The following CTSD variants were observed in gnomAD, a reference collection of about 807,000 sequenced individuals.
CTSD encodes ceroid-lipofuscinosis, neuronal 10.
In CTSD, 28 loss-of-function variants were observed where a neutral mutation model predicts 43.6. That is an observed-to-expected ratio of 0.64 (90% CI 0.48 to 0.88). The LOEUF (loss-of-function observed/expected upper bound fraction) is 0.88, where lower values mean the gene tolerates loss of function less well. CTSD is among the 40% of genes least tolerant of loss of function. The pLI is 0.00. For missense variants in CTSD, 485 were observed against 555.2 expected (o/e 0.87, Z 1.27); for synonymous variants, 270 against 249.8 (o/e 1.08, Z -0.76).
At position 1,759,904 on chromosome 11, in the gene CTSD, G is replaced by A. The variant is rs1185910626; in HGVS notation, c.229-265C>T. On this transcript the variant is annotated intron_variant, in intron 2 of 8. Coordinates refer to ENST00000236671, the MANE Select transcript of CTSD (RefSeq NM_001909.5). ...GTCACCTACCCCTGCTCAATACATG[G>A]TGAGGCTGAGGACTTCCCCACGGAA... 2.0e-5 allele frequency among the ~76,000 whole-genome samples: 3 copies of A among 152,232 alleles called. No homozygotes were observed. The East Asian group carries it at 5.8e-4, about 29-fold the overall frequency.
Position 1,757,373 on chromosome 11 carries a change from T to A in CTSD, c.655A>T (p.Met219Leu). ...TTCTGGTCCACCAGCTTCTGCTGCATCAGGTTGTCGAAGACGGGCAGCACG... is the reference window on the plus strand; with the variant it reads ...TTCTGGTCCACCAGCTTCTGCTGCAACAGGTTGTCGAAGACGGGCAGCACG... Reference protein sequence around the residue: ...NNVLPVFDNLMQQKLVDQNIF... With the variant: ...NNVLPVFDNLLQQKLVDQNIF... Residue 219 changes from methionine to leucine, a missense_variant, in exon 5 of 9, where the codon ATG (methionine) becomes TTG (leucine). Transcript: ENST00000236671. The A allele has an allele frequency of 6.2e-7, 1 of 1,614,146 alleles. No homozygotes were observed. Among genetic ancestry groups the A allele is most frequent in the South Asian group, 1.1e-5 (1 of 91,090 alleles).
Position 1,759,036 on chromosome 11 carries a change from C to T in CTSD, c.404G>A (p.Gly135Asp). The T allele has an allele frequency of 6.2e-7, 1 of 1,614,156 alleles. No homozygotes were observed. Among genetic ancestry groups the T allele is most frequent in the Non-Finnish European group, 8.5e-7 (1 of 1,179,980 alleles). The change falls in exon 4 of 9, where the codon GGT (glycine) becomes GAT (aspartate). Residue 135 changes from glycine to aspartate, a missense_variant. Coordinates refer to ENST00000236671, the MANE Select transcript of CTSD (RefSeq NM_001909.5). ...SDKSSTYVKNGTSFDIHYGSG... is the reference protein window; with the variant it reads ...SDKSSTYVKNDTSFDIHYGSG... ...GCCATAGTGGATGTCAAACGAGGTA[C>T]CATTCTTCACGTAGGTGCTGGACTT...
intron 6 of CTSD, among the ~76,000 whole-genome samples, chr11:1,754,509 GGGATGGAGGGATGGAGGGGATGGA>G (rs1845777944): frequency 1.9e-5 from 2 of 107,524 alleles, no homozygotes; most frequent in East Asian, 2.9e-4. Context: ...TGGGGATGGA[GGGATGGAGGGATGGAGGGGATGGA>G]GGGATGGAGG....
In CTSD at chr11:1,757,397, C is replaced by T. The variant is rs779469223; in HGVS notation, c.631G>A (p.Val211Met). Residue 211 changes from valine to methionine, a missense_variant, in exon 5 of 9, where the codon GTG (valine) becomes ATG (methionine). By Grantham distance (21) the Val-to-Met change is conservative. Transcript: ENST00000236671. ...MAYPRISVNN[V>M]LPVFDNLMQQ... ...ATCAGGTTGTCGAAGACGGGCAGCA[C>T]GTTGTTGACGGAGATGCGGGGGTAG... 4 of 1,614,062 alleles carry T rather than the reference C, an allele frequency of 2.5e-6. No individual in the cohort carries two copies. The highest frequency in any genetic ancestry group is 1.7e-5 in the Admixed American group (1 of 60,010).
intron 3 of CTSD, 52 bp from the exon 4 acceptor site, chr11:1,759,139 G>A (rs554609347): frequency 1.5e-6 from 2 of 1,332,126 alleles, no homozygotes; most frequent in East Asian, 2.3e-5. Context: ...CCACGCCACG[G>A]CCTTAGCCCT....
intron 2 of CTSD, 53 bp downstream of exon 2, chr11:1,761,256 G>A: frequency 6.2e-7 from 1 of 1,600,018 alleles, no homozygotes; most frequent in African/African-American, 1.3e-5. Context: ...TACTGCCACG[G>A]AGCTCTCCTG....
intron 2 of CTSD, among the ~76,000 whole-genome samples, chr11:1,759,931 A>G (rs1845854761): frequency 6.6e-6 from 1 of 152,208 alleles, no homozygotes; most frequent in Non-Finnish European, 1.5e-5. Flanking sequence ...CCCACGGAAA[A>G]GACAAGGCCA....
intron 2 of CTSD, among the ~76,000 whole-genome samples, 170 bp from the exon 3 acceptor site, chr11:1,759,809 G>C (rs770946686): frequency 1.3e-5 from 2 of 152,252 alleles, no homozygotes; most frequent in Non-Finnish European, 2.9e-5. Context: ...CTGCAGGGAA[G>C]ATGGGCCAGG....
chr11:1,755,921 T>C (rs1439049180), intron 5 of CTSD, among the ~76,000 whole-genome samples: 1 of 151,618 alleles, frequency 6.6e-6, no homozygotes, highest in Non-Finnish European at 1.5e-5. Context: ...TCACCAAACA[T>C]GCTTTCAGAA....
intron 1 of CTSD, 83 bp from the exon 2 acceptor site, chr11:1,761,551 GC>G: frequency 6.7e-7 from 1 of 1,483,964 alleles, no homozygotes; most frequent in Non-Finnish European, 9.3e-7. Context: ...CCACCTGGAG[GC>G]CCCTGGGGAA....
chr11:1,757,266 C>T lies in CTSD; in HGVS notation c.704+58G>A, dbSNP rs56363318. ...GAGAGGGGGTGCCTAGAAGGCTCCC[C>T]GTCCAGCCCCGCCCTGCCTCCCAGC... On this transcript the variant is annotated intron_variant, in intron 5 of 8. Coordinates refer to ENST00000236671, the MANE Select transcript of CTSD (RefSeq NM_001909.5). 0.078 allele frequency: 111,292 copies of T among 1,433,614 alleles called. 4,720 individuals are homozygous for T. Among genetic ancestry groups the T allele is most frequent in the Middle Eastern group, 0.12 (716 of 5,764 alleles). 88.8% of individuals were successfully genotyped at this position (1,433,614 alleles called of 1,614,324 possible).
intron 4 of CTSD, 39 bp downstream of exon 4, chr11:1,758,930 G>T: frequency 7.1e-7 from 1 of 1,416,004 alleles, no homozygotes. Context: ...CCACACCCTG[G>T]CACCCTCGAG....
chr11:1,758,381 G>A (rs547961218), intron 4 of CTSD, among the ~76,000 whole-genome samples: 6 of 152,218 alleles, frequency 3.9e-5, no homozygotes, highest in Non-Finnish European at 5.9e-5. Flanking sequence ...CAGCTCCGAG[G>A]TGAGAACTCA....
At chr11:1,760,776 T>A (rs1845865808) in intron 2 of CTSD, 1 of 180,620 alleles carries the variant, frequency 5.5e-6, no homozygotes, top group Non-Finnish European at 1.2e-5. Flanking sequence ...GCCCCGAGGC[T>A]GGACAGTAGG....
rs1845910654 is a variant in CTSD, at chr11:1,763,646, C to CGCGCAGGGCG, written c.68+136_68+145dup. The CGCGCAGGGCG allele has an allele frequency of 5.1e-6, 4 of 784,998 alleles. No homozygotes were observed. In the East Asian group the frequency reaches 1.3e-4, roughly 26 times the overall value. The allele number at this position is 784,998 out of a possible 1,614,324, so 48.6% of individuals were successfully genotyped here. A position where few individuals can be genotyped will look rare whatever the true frequency, so the allele number is the denominator to read the frequency against. On this transcript the variant is annotated intron_variant, in intron 1 of 8. Coordinates refer to ENST00000236671, the MANE Select transcript of CTSD (RefSeq NM_001909.5). ...TAGGCGGGTGGTCCGTGCAGGAGGC[C>CGCGCAGGGCG]GCGCAGGGCGGCACAGGTGCATTCC...
intron 1 of CTSD, chr11:1,763,499 C>T: frequency 2.4e-6 from 1 of 418,484 alleles, no homozygotes; most frequent in Non-Finnish European, 4.3e-6. Context: ...CGCCCCGCCC[C>T]GTCTCCAGGG....
rs576357549 is a variant in CTSD at position 1,763,559 on chromosome 11, G to T, written c.68+233C>A. The stretch of plus-strand genomic sequence containing the variant: ...CAAGGTACAACCCAGGGTGGCATAT[G>T]GGGGAGAGGCATCTGGCGCCTCTGC... On this transcript the variant is annotated intron_variant, in intron 1 of 8. Transcript: ENST00000236671. 1.8e-5 allele frequency: 9 copies of T among 510,942 alleles called. No homozygotes were observed. The Admixed American group carries it at 2.5e-4, about 14-fold the overall frequency. 31.7% of individuals were successfully genotyped at this position (510,942 alleles called of 1,614,324 possible). A position where few individuals can be genotyped will look rare whatever the true frequency, so the allele number is the denominator to read the frequency against.
At chr11:1,755,806 T>A (rs374866773) in intron 5 of CTSD, among the ~76,000 whole-genome samples, 1 of 152,112 alleles carries the variant, frequency 6.6e-6, no homozygotes, top group Admixed American at 6.6e-5. Context: ...CCAACACCGA[T>A]TGGGGCCTCC....
chr11:1,762,202 C>G (rs948677623), intron 1 of CTSD: 5 of 153,714 alleles, frequency 3.3e-5, no homozygotes, highest in East Asian at 3.8e-4. Context: ...TCTGTGCTGC[C>G]CCCCCCACCG....
Sources: gnomAD v4.1 joint callset for allele counts (sites outside exome capture counted in the v4.1 genomes callset) on GRCh38, gnomAD v4.1.1 for gene constraint, MANE v1.5 for transcripts, NCBI Gene and HGNC (gene_info 2026-07-23, HGNC 2026-07-21) for gene names.